Variants in MERTK observed in about 807,000 individuals in gnomAD.
The protein encoded by MERTK is MER proto-oncogene, tyrosine kinase, also known as tyrosine-protein kinase Mer.
In MERTK, 69 loss-of-function variants were observed where a neutral mutation model predicts 99.3. That is an observed-to-expected ratio of 0.70 (90% CI 0.57 to 0.85). The LOEUF is 0.85. Among genes scored for constraint, MERTK ranks in the 40% least tolerant of loss-of-function variants. The probability of loss-of-function intolerance (pLI) is 0.00; values close to 1 mark genes in which losing one functional copy is unlikely to be tolerated. For synonymous variants in MERTK, 426 were observed against 467.6 expected (o/e 0.91, Z 1.15); for missense variants, 1,125 against 1,249.4 (o/e 0.90, Z 1.50).
Position 111,989,388 on chromosome 2 carries a change from G to A in MERTK, c.1297-4863G>A, listed in dbSNP as rs1278560256. ...TTTTTTTTTTTTCAGACAGAGTCTC[G>A]CTCTGTCACCCAGGCTGGAGTGCAG... On this transcript the variant is annotated intron_variant, in intron 8 of 18. Coordinates refer to ENST00000295408, the MANE Select transcript of MERTK (RefSeq NM_006343.3). 2.7e-5 allele frequency among the ~76,000 whole-genome samples: 4 copies of A among 145,928 alleles called. No homozygotes were observed. In the East Asian group the frequency reaches 5.9e-4, roughly 22 times the overall value.
intron 4 of MERTK, among the ~76,000 whole-genome samples, chr2:111,960,887 CAG>C (rs1685237035): frequency 6.6e-6 from 1 of 151,544 alleles, no homozygotes. Flanking sequence ...CAAAATGTGT[CAG>C]AGTCCACGTA....
At chr2:112,001,008 CTAGAG>C (rs1676857810) in intron 10 of MERTK, among the ~76,000 whole-genome samples, 188 bp from the exon 11 acceptor site, 1 of 152,110 alleles carries the variant, frequency 6.6e-6, no homozygotes, top group South Asian at 2.1e-4. Context: ...CGGTACCTGG[CTAGAG>C]TAGTTTCAAT....
intron 15 of MERTK, among the ~76,000 whole-genome samples, chr2:112,013,861 G>T (rs377201791): frequency 1.4e-3 from 206 of 151,598 alleles, no homozygotes; most frequent in African/African-American, 4.8e-3. Flanking sequence ...TGGGAGGGGG[G>T]TGGTGGCGGG....
chr2:111,907,377 GCA>G (rs1684156592), intron 1 of MERTK, among the ~76,000 whole-genome samples: 1 of 152,210 alleles, frequency 6.6e-6, no homozygotes, highest in Non-Finnish European at 1.5e-5. Context: ...TTGTGCCACT[GCA>G]CTCCAGCCTG....
At chr2:112,018,163 T>C (rs1202405342) in intron 15 of MERTK, among the ~76,000 whole-genome samples, 2 of 152,250 alleles carry the variant, frequency 1.3e-5, no homozygotes, top group Non-Finnish European at 2.9e-5. Context: ...GATTTTTGTA[T>C]GTCCATCTTG....
Position 111,994,364 on chromosome 2 carries a change from GC to G in MERTK, c.1413del (p.Phe472SerfsTer5). 1 of 1,614,196 alleles carries G rather than the reference GC, an allele frequency of 6.2e-7. No homozygotes were observed. The highest frequency in any genetic ancestry group is 8.5e-7 in the Non-Finnish European group (1 of 1,180,042). On this transcript the variant is annotated frameshift_variant, in exon 9 of 19. Transcript: ENST00000295408. LOFTEE classifies it high-confidence loss of function. ...IAAVTRGGVG[P>X]FSDPVKIFIP... ...CAGCCGTCACCAGAGGGGGAGTTGG[GC>G]CCTTCAGTGATCCAGTGAAAATATT... is the stretch of plus-strand genomic sequence containing the variant.
intron 2 of MERTK, among the ~76,000 whole-genome samples, chr2:111,939,129 G>A (rs970457784): frequency 3.9e-5 from 6 of 152,104 alleles, no homozygotes; most frequent in Admixed American, 2.6e-4. Flanking sequence ...AGTTAAGGAG[G>A]CTGGGACATT....
intron 2 of MERTK, among the ~76,000 whole-genome samples, chr2:111,934,301 A>G (rs918436412): frequency 3.9e-5 from 6 of 152,174 alleles, no homozygotes; most frequent in African/African-American, 1.4e-4. Context: ...TTGCCACACT[A>G]TCTTCCACAA....
intron 4 of MERTK, among the ~76,000 whole-genome samples, chr2:111,960,547 A>G (rs1685231052): frequency 6.6e-6 from 1 of 152,050 alleles, no homozygotes; most frequent in African/African-American, 2.4e-5. Context: ...TTGCTCTTCC[A>G]ATAAAGTTGT....
chr2:111,986,323 A>C (rs1468290230), intron 8 of MERTK, among the ~76,000 whole-genome samples: 3 of 152,218 alleles, frequency 2.0e-5, no homozygotes, highest in Admixed American at 2.0e-4. Context: ...CAGGAATCAA[A>C]TGCCTCTTTG....
chr2:112,028,784 A>G lies in MERTK; in HGVS notation c.2920A>G (p.Met974Val). 3 of 1,614,118 alleles carry G rather than the reference A, an allele frequency of 1.9e-6. No individual in the cohort carries two copies. Among genetic ancestry groups the G allele is most frequent in the Non-Finnish European group, 2.5e-6 (3 of 1,180,024 alleles). Residue 974 changes from methionine to valine, a missense_variant, in exon 19 of 19, where the codon ATG (methionine) becomes GTG (valine). Physicochemically the swap from Met to Val is conservative, Grantham distance 21. Coordinates refer to ENST00000295408, the MANE Select transcript of MERTK (RefSeq NM_006343.3). ...RNGVSWSHSS[M>V]LPLGSSLPDE... is the part of the protein sequence containing the mutation. Reference sequence around the variant, plus strand: ...TGGGGTCTCCTGGTCCCATTCGAGCATGCTGCCCTTGGGAAGCTCATTGCC... The same window carrying G: ...TGGGGTCTCCTGGTCCCATTCGAGCGTGCTGCCCTTGGGAAGCTCATTGCC...
At position 112,009,940 on chromosome 2, in the gene MERTK, A is replaced by T; in HGVS notation, c.1961-8A>T. On this transcript the variant is annotated splice_region_variant and splice_polypyrimidine_tract_variant and intron_variant, in intron 14 of 18. Coordinates refer to ENST00000295408, the MANE Select transcript of MERTK (RefSeq NM_006343.3). Reference sequence around the variant, plus strand: ...TCTTTGTAATTGATGCTGTGTTTGTAATTTCAGGTGTGTGTATAGAAATGA... The same window carrying T: ...TCTTTGTAATTGATGCTGTGTTTGTTATTTCAGGTGTGTGTATAGAAATGA... The T allele has an allele frequency of 6.3e-7, 1 of 1,587,894 alleles. No individual in the cohort carries two copies. The highest frequency in any genetic ancestry group is 8.6e-7 in the Non-Finnish European group (1 of 1,156,386).
At chr2:112,008,299 T>C in intron 13 of MERTK, 84 bp from the exon 14 acceptor site, 2 of 995,908 alleles carry the variant, frequency 2.0e-6, no homozygotes, top group Non-Finnish European at 3.2e-6. Context: ...ACCTGGGTTT[T>C]AGAGAACAGA....
intron 5 of MERTK, among the ~76,000 whole-genome samples, chr2:111,966,144 G>A (rs1257629423): frequency 6.6e-6 from 1 of 152,134 alleles, no homozygotes; most frequent in Non-Finnish European, 1.5e-5. Context: ...TAAATATTGA[G>A]AAGTAATTAT....
At chr2:111,975,099 C>A (rs535886648) in intron 6 of MERTK, among the ~76,000 whole-genome samples, 190 bp from the exon 7 acceptor site, 33 of 152,268 alleles carry the variant, frequency 2.2e-4, no homozygotes, top group Admixed American at 2.2e-3. Context: ...CTCAGGTGTT[C>A]AGTTATTGTC....
intron 4 of MERTK, among the ~76,000 whole-genome samples, chr2:111,948,285 A>G (rs1043980111): frequency 6.6e-6 from 1 of 152,140 alleles, no homozygotes; most frequent in Non-Finnish European, 1.5e-5. Context: ...CCTGGCTTCC[A>G]TTTCATTGAG....
At chr2:111,914,101 C>CTTTTTTTTTTTTTTTTTTTTTT (rs765850254) in intron 1 of MERTK, among the ~76,000 whole-genome samples, 3 of 94,456 alleles carry the variant, frequency 3.2e-5, no homozygotes, top group African/African-American at 4.8e-5. Flanking sequence ...TTCTTTCTTT[C>CTTTTTTTTTTTTTTTTTTTTTT]TTTTTTTTTT....
At chr2:111,938,287 G>A (rs896398328) in intron 2 of MERTK, among the ~76,000 whole-genome samples, 35 of 151,886 alleles carry the variant, frequency 2.3e-4, no homozygotes, top group Non-Finnish European at 3.1e-4. Context: ...TGTAGAGACA[G>A]GGTTTTGCCA....
Position 112,017,622 on chromosome 2 carries a change from G to T in MERTK, c.2080-1791G>T, listed in dbSNP as rs117201948. On this transcript the variant is annotated intron_variant, in intron 15 of 18. Transcript: ENST00000295408. ...CACTCCAGTCTGGGTGACAGAGCAC[G>T]ACTTCGTCTCAAAAAAAAAAAAATT... Among the ~76,000 whole-genome samples the T allele has an allele frequency of 2.3e-3, 296 of 126,126 alleles. 6 individuals carry two copies. Among genetic ancestry groups the T allele is most frequent in the East Asian group, 0.022 (107 of 4,964 alleles). 82.7% of individuals were successfully genotyped at this position (126,126 alleles called of 152,430 possible).
Sources: gnomAD v4.1 joint callset for allele counts (sites outside exome capture counted in the v4.1 genomes callset) on GRCh38, gnomAD v4.1.1 for gene constraint, MANE v1.5 for transcripts, NCBI Gene and HGNC (gene_info 2026-07-23, HGNC 2026-07-21) for gene names.